ALG1: variants seen among roughly 807,000 people sequenced by gnomAD.
ALG1 encodes the protein ALG1 chitobiosyldiphosphodolichol beta-mannosyltransferase, also known as chitobiosyldiphosphodolichol beta-mannosyltransferase.
A neutral mutation model predicts 55.1 loss-of-function variants in ALG1; 58 were observed. The observed-to-expected ratio is 1.05, with a 90% confidence interval of 0.85 to 1.31. ALG1 has a LOEUF of 1.31. Among genes scored for constraint, ALG1 ranks in the 50% most tolerant of loss-of-function variants. ALG1 has a pLI of 0.00. For missense variants in ALG1, 761 were observed against 598.6 expected, an observed-to-expected ratio of 1.27 and a Z score of -2.83; for synonymous variants, 309 against 247.0, an observed-to-expected ratio of 1.25 and a Z score of -2.35.
intron 10 of ALG1, among the ~76,000 whole-genome samples, 181 bp downstream of exon 10, chr16:5,081,237 C>T (rs1170467760): frequency 1.3e-5 from 2 of 152,184 alleles, no homozygotes; most frequent in African/African-American, 4.8e-5. Context: ...CCCCAGGGGC[C>T]GTTTACCAAG....
At chr16:5,073,758 A>T (rs1290097533) in intron 3 of ALG1, among the ~76,000 whole-genome samples, 1 of 152,262 alleles carries the variant, frequency 6.6e-6, no homozygotes, top group Non-Finnish European at 1.5e-5. Context: ...CTTGCCGCCC[A>T]GGCTGGAGTG....
Position 5,072,980 on chromosome 16 carries a change from A to C in ALG1, c.238A>C (p.Asn80His), listed in dbSNP as rs755346143. 15 of 1,614,222 alleles carry C rather than the reference A, an allele frequency of 9.3e-6. No individual in the cohort carries two copies. Among genetic ancestry groups the C allele is most frequent in the Admixed American group, 5.0e-5 (3 of 60,016 alleles). ...NSKPHDELLQ[N>H]NRIQIVGLTE... ...CAAACCCCATGATGAGCTCTTGCAG[A>C]ACAACAGAATTCAGATTGTGGGGTT... is the stretch of plus-strand genomic sequence containing the variant. The change falls in exon 2 of 13, where the codon AAC becomes CAC. Residue 80 changes from asparagine (N) to histidine (H), a missense_variant. Coordinates refer to ENST00000262374, the MANE Select transcript of ALG1 (RefSeq NM_019109.5).
chr16:5,075,480 C>T lies in ALG1; in HGVS notation c.483C>T (p.Tyr161=), dbSNP rs754435175. 3.1e-6 allele frequency: 5 copies of T among 1,613,882 alleles called. No homozygotes were observed. The highest frequency in any genetic ancestry group is 1.7e-5 in the Admixed American group (1 of 60,002). The change falls in exon 4 of 13, where the codon TAC becomes TAT. Residue 161 remains tyrosine (Y), a synonymous_variant. Transcript: ENST00000262374. ...TCATTGACTGGCACAACTATGGCTA[C>T]TCCATCATGGGTCTGGTGCATGGCC... ...KLVIDWHNYG[Y]SIMGLVHGPN...
rs1301140711 is a variant in ALG1 at position 5,085,252 on chromosome 16, C to G, written c.*371C>G. 6 of 507,028 alleles carry G rather than the reference C, an allele frequency of 1.2e-5. No homozygotes were observed. The highest frequency in any genetic ancestry group is 9.9e-5 in the Admixed American group (3 of 30,350). The allele number at this position is 507,028 out of a possible 1,614,324, so 31.4% of individuals were successfully genotyped here. On this transcript the variant is annotated 3_prime_UTR_variant, in exon 13 of 13. Coordinates refer to ENST00000262374, the MANE Select transcript of ALG1 (RefSeq NM_019109.5). ...TTGATTCCTGTCTTGAAAAAAGCACCTGCTGCACCGTAAGCCCAGGGATGT... is the reference window on the plus strand; with the variant it reads ...TTGATTCCTGTCTTGAAAAAAGCACGTGCTGCACCGTAAGCCCAGGGATGT...
chr16:5,072,443 G>A (rs1307974937), intron 1 of ALG1: 1 of 429,626 alleles, frequency 2.3e-6, no homozygotes, highest in African/African-American at 2.0e-5. Flanking sequence ...GCAGACAGAT[G>A]TTTTCATTTG....
At chr16:5,075,650 T>G in intron 4 of ALG1, 114 bp downstream of exon 4, 1 of 1,333,348 alleles carries the variant, frequency 7.5e-7, no homozygotes, top group Non-Finnish European at 1.1e-6. Flanking sequence ...CTGCAGGAGG[T>G]GGGGTGAGGC....
intron 6 of ALG1, 122 bp downstream of exon 6, chr16:5,078,139 T>C (rs557481717): frequency 9.1e-7 from 1 of 1,097,788 alleles, no homozygotes; most frequent in South Asian, 1.3e-5. Context: ...TACAGGCCAG[T>C]CTGCTGCTTT....
chr16:5,085,527 C>A lies in ALG1; in HGVS notation c.*646C>A. ...TTCCTGATTTGGAAATTAACATTCTCCAAACATTCCAGTCCAATGAAAGTT... is the reference window on the plus strand; with the variant it reads ...TTCCTGATTTGGAAATTAACATTCTACAAACATTCCAGTCCAATGAAAGTT... On this transcript the variant is annotated 3_prime_UTR_variant, in exon 13 of 13. Transcript: ENST00000262374. 2.2e-6 allele frequency: 2 copies of A among 925,310 alleles called. No individual in the cohort carries two copies. The highest frequency in any genetic ancestry group is 1.6e-5 in the African/African-American group (1 of 61,738). 57.3% of individuals were successfully genotyped at this position (925,310 alleles called of 1,614,324 possible).
chr16:5,080,230 A>T (rs1252412162), intron 9 of ALG1, among the ~76,000 whole-genome samples: 4 of 151,404 alleles, frequency 2.6e-5, no homozygotes, highest in Non-Finnish European at 5.9e-5. Flanking sequence ...ACAACTGCCT[A>T]ATTTTTGTAT....
chr16:5,083,134 A>C (rs757544406), intron 11 of ALG1, among the ~76,000 whole-genome samples: 1 of 152,106 alleles, frequency 6.6e-6, no homozygotes, highest in Non-Finnish European at 1.5e-5. Flanking sequence ...CTGTGGCCTC[A>C]CTGCACCCAG....
chr16:5,078,798 C>G lies in ALG1; in HGVS notation c.782C>G (p.Thr261Arg). 1 of 1,612,874 alleles carries G rather than the reference C, an allele frequency of 6.2e-7. No individual in the cohort carries two copies. Among genetic ancestry groups the G allele is most frequent in the Non-Finnish European group, 8.5e-7 (1 of 1,179,798 alleles). The change falls in exon 7 of 13, where the codon ACG becomes AGG. Residue 261 changes from threonine (T) to arginine (R), a missense_variant. Thr to Arg is a moderately conservative substitution (Grantham distance 71). Coordinates refer to ENST00000262374, the MANE Select transcript of ALG1 (RefSeq NM_019109.5). ...CCAGTCACGGAGCGGTCGGCCTTCA[C>G]GGAGCGGGATGCTGGGAGCGGGCTG... ...EDPVTERSAFTERDAGSGLVT... is the reference protein window; with the variant it reads ...EDPVTERSAFRERDAGSGLVT...
chr16:5,074,965 C>G (rs925390326), intron 3 of ALG1, among the ~76,000 whole-genome samples: 1 of 152,176 alleles, frequency 6.6e-6, no homozygotes, highest in Non-Finnish European at 1.5e-5. Flanking sequence ...TGCAGTGGCA[C>G]AATCATAGCT....
chr16:5,075,446 G>A lies in ALG1; in HGVS notation c.449G>A (p.Ser150Asn), dbSNP rs1820482541. 14 of 1,614,160 alleles carry A rather than the reference G, an allele frequency of 8.7e-6. 1 individual carries two copies. Among genetic ancestry groups the A allele is most frequent in the Non-Finnish European group, 1.2e-5 (14 of 1,180,040 alleles). ...TGGTTCGTGGGCTGCCTTTGTGGAA[G>A]CAAGCTCGTCATTGACTGGCACAAC... ...VCWFVGCLCG[S>N]KLVIDWHNYG... The change falls in exon 4 of 13, where the codon AGC (serine) becomes AAC (asparagine). Residue 150 changes from serine (S) to asparagine (N), a missense_variant. Transcript: ENST00000262374.
Position 5,075,554 on chromosome 16 carries a change from G to T in ALG1, c.539+18G>T. 1 of 1,613,724 alleles carries T rather than the reference G, an allele frequency of 6.2e-7. No individual in the cohort carries two copies. Among genetic ancestry groups the T allele is most frequent in the Non-Finnish European group, 8.5e-7 (1 of 1,180,022 alleles). On this transcript the variant is annotated intron_variant, in intron 4 of 12. Transcript: ENST00000262374. ...GCCAAGTGGTGAGAGTCTAGGAAGA[G>T]GGTAAAATACCGTCCCCTAAACCAC...
chr16:5,078,234 G>A (rs1481148089), intron 6 of ALG1: 25 of 711,250 alleles, frequency 3.5e-5, no homozygotes, highest in Admixed American at 1.0e-4. Context: ...TAGCAGAATC[G>A]CGTTTTGCAA....
chr16:5,077,421 C>T (rs756866348), intron 4 of ALG1, 24 bp from the exon 5 acceptor site: 2 of 1,606,434 alleles, frequency 1.2e-6, no homozygotes, highest in Admixed American at 1.7e-5. Flanking sequence ...TAGGGCTCTG[C>T]TGACTGCTGA....
intron 5 of ALG1, 41 bp downstream of exon 5, chr16:5,077,575 G>A (rs1956936691): frequency 6.3e-7 from 1 of 1,597,528 alleles, no homozygotes; most frequent in Non-Finnish European, 8.6e-7. Context: ...GAGAGGCGCG[G>A]GGCCCCTGAT....
At position 5,087,101 on chromosome 16, in the gene ALG1, A is replaced by G. The variant is rs890291285; in HGVS notation, c.*2220A>G. The G allele has an allele frequency of 3.9e-5, 6 of 152,194 alleles. No homozygotes were observed. The highest frequency in any genetic ancestry group is 1.4e-4 in the African/African-American group (6 of 41,444). 9.4% of individuals were successfully genotyped at this position (152,194 alleles called of 1,614,324 possible). A position where few individuals can be genotyped will look rare whatever the true frequency, so the allele number is the denominator to read the frequency against. ...CTGCCATCCAAGGATGGCACCTGTTAATGTGTATATCAGGGATGTCCAATC... is the reference window on the plus strand; with the variant it reads ...CTGCCATCCAAGGATGGCACCTGTTGATGTGTATATCAGGGATGTCCAATC... On this transcript the variant is annotated 3_prime_UTR_variant, in exon 13 of 13. Coordinates refer to ENST00000262374, the MANE Select transcript of ALG1 (RefSeq NM_019109.5).
At chr16:5,080,354 T>G (rs1230987676) in intron 9 of ALG1, among the ~76,000 whole-genome samples, 2 of 152,164 alleles carry the variant, frequency 1.3e-5, no homozygotes, top group Non-Finnish European at 2.9e-5. Context: ...CACAAATCAC[T>G]GTGCCCGGCC....
Sources: allele counts gnomAD v4.1 joint callset (sites outside exome capture counted in the v4.1 genomes callset), GRCh38; gene constraint gnomAD v4.1.1; transcripts MANE v1.5; gene names NCBI Gene and HGNC (gene_info 2026-07-23, HGNC 2026-07-21).